EWSR1: variants seen among roughly 807,000 people sequenced by gnomAD.
EWSR1 encodes the protein RNA-binding protein EWS.
In EWSR1, 14 loss-of-function variants were observed where a neutral mutation model predicts 92.1. That is an observed-to-expected ratio of 0.15 (90% CI 0.10 to 0.24). The LOEUF is 0.24. Ranked by LOEUF, EWSR1 falls within the 10% of genes least tolerant of loss-of-function variation. The probability of loss-of-function intolerance (pLI) is 1.00; values close to 1 mark genes in which losing one functional copy is unlikely to be tolerated. For synonymous variants in EWSR1, 303 were observed against 292.9 expected, an observed-to-expected ratio of 1.03 and a Z score of -0.35; for missense variants, 637 against 870.9, an observed-to-expected ratio of 0.73 and a Z score of 3.38.
chr22:29,281,009 A>G (rs1162684073), intron 5 of EWSR1, among the ~76,000 whole-genome samples: 3 of 150,414 alleles, frequency 2.0e-5, no homozygotes, highest in Non-Finnish European at 1.5e-5. Flanking sequence ...CCTCCCAAGT[A>G]GCTGGGACTA....
rs534564043 is a variant in EWSR1 at position 29,271,781 on chromosome 22, T to A, written c.14-435T>A. On this transcript the variant is annotated intron_variant, in intron 1 of 16. Transcript: ENST00000397938. ...GTGAAAACTAATTTTTGAGGAGAGG[T>A]AGGTTCTAACGTAACCAATCTAGTG... 2.6e-5 allele frequency among the ~76,000 whole-genome samples: 4 copies of A among 152,268 alleles called. No homozygotes were observed. The South Asian group carries it at 8.3e-4, about 32-fold the overall frequency.
At chr22:29,299,077 T>C in intron 14 of EWSR1, 157 bp from the exon 15 acceptor site, 15 of 1,449,556 alleles carry the variant, frequency 1.0e-5, no homozygotes, top group Non-Finnish European at 1.4e-5. Flanking sequence ...TGATTTGACC[T>C]GTCCTGTGGG....
rs1327611291 is a variant in EWSR1 at position 29,272,415 on chromosome 22, A to G, written c.86A>G (p.Tyr29Cys). Residue 29 changes from tyrosine (Y) to cysteine (C), a missense_variant, in exon 3 of 17, where the codon TAT becomes TGT. Transcript: ENST00000397938. ...TACACCGCCCAGCCCACTCAAGGAT[A>G]TGCACAGACCACCCAGGTAATCTTT... ...SAYTAQPTQG[Y>C]AQTTQAYGQQ... The G allele has an allele frequency of 1.2e-6, 2 of 1,612,966 alleles. No homozygotes were observed. The highest frequency in any genetic ancestry group is 1.7e-6 in the Non-Finnish European group (2 of 1,180,002).
Position 29,268,287 on chromosome 22 carries a change from G to C in EWSR1, c.-50G>C. ...GCCTGCGCAGTGCGGCGCCTAGAGG[G>C]AAAGCGAGAGGGAGACGGACGTTGA... On this transcript the variant is annotated 5_prime_UTR_variant, in exon 1 of 17. Coordinates refer to ENST00000397938, the MANE Select transcript of EWSR1 (RefSeq NM_005243.4). The C allele has an allele frequency of 6.2e-7, 1 of 1,607,460 alleles. No individual in the cohort carries two copies. Among genetic ancestry groups the C allele is most frequent in the African/African-American group, 1.3e-5 (1 of 74,934 alleles).
chr22:29,276,645 A>G (rs1479130765), intron 4 of EWSR1: 4 of 226,954 alleles, frequency 1.8e-5, no homozygotes, highest in Non-Finnish European at 3.5e-5. Context: ...TTTTTTGGAT[A>G]TAAATGCCAG....
intron 4 of EWSR1, chr22:29,274,331 C>T: frequency 6.3e-7 from 1 of 1,599,830 alleles, no homozygotes; most frequent in Non-Finnish European, 8.6e-7. Flanking sequence ...TCCATCTTGT[C>T]TAACCCTGTA....
At chr22:29,270,478 G>A (rs2058584542) in intron 1 of EWSR1, among the ~76,000 whole-genome samples, 1 of 152,148 alleles carries the variant, frequency 6.6e-6, no homozygotes, top group African/African-American at 2.4e-5. Context: ...GCTTGCTTGA[G>A]GGCCTGTGAT....
At position 29,274,375 on chromosome 22, in the gene EWSR1, C is replaced by G; in HGVS notation, c.226+511C>G. ...CCTTTAGGTGTTTTCATTTGTTGAA[C>G]CCCCAAACTTTCTAACATCACACAC... On this transcript the variant is annotated intron_variant, in intron 4 of 16. Transcript: ENST00000397938. The G allele has an allele frequency of 2.1e-6, 3 of 1,441,648 alleles. No homozygotes were observed. In the African/African-American group the frequency reaches 4.2e-5, roughly 20 times the overall value. The allele number at this position is 1,441,648 out of a possible 1,614,324, so 89.3% of individuals were successfully genotyped here.
chr22:29,277,576 AATT>A (rs2059222001), intron 4 of EWSR1: 1 of 229,476 alleles, frequency 4.4e-6, no homozygotes, highest in South Asian at 1.8e-4. Flanking sequence ...ATCATTTTCT[AATT>A]ATTTTAAAAT....
At chr22:29,278,394 A>G (rs2059285886) in intron 5 of EWSR1, among the ~76,000 whole-genome samples, 178 bp downstream of exon 5, 1 of 152,226 alleles carries the variant, frequency 6.6e-6, no homozygotes, top group Non-Finnish European at 1.5e-5. Context: ...TCTGCATTTA[A>G]CAGTGAAATT....
chr22:29,299,143 T>C, intron 14 of EWSR1, 91 bp from the exon 15 acceptor site: 1 of 1,607,678 alleles, frequency 6.2e-7, no homozygotes, highest in Non-Finnish European at 8.5e-7. Context: ...ATCCTCTTGA[T>C]AGTGAGTGTG....
chr22:29,271,224 G>T (rs2058656267), intron 1 of EWSR1, among the ~76,000 whole-genome samples: 1 of 152,090 alleles, frequency 6.6e-6, no homozygotes, highest in Non-Finnish European at 1.5e-5. Flanking sequence ...GTGTTCTTGT[G>T]GAGAAGAAAG....
At chr22:29,274,391 C>T in intron 4 of EWSR1, 1 of 1,203,426 alleles carries the variant, frequency 8.3e-7, no homozygotes, top group South Asian at 1.2e-5. Context: ...AACTTTCTAA[C>T]ATCACACACA....
intron 6 of EWSR1, among the ~76,000 whole-genome samples, 166 bp from the exon 7 acceptor site, chr22:29,286,757 A>G (rs561971655): frequency 6.6e-5 from 10 of 152,232 alleles, no homozygotes; most frequent in Middle Eastern, 3.4e-3. Flanking sequence ...TCTGAACACA[A>G]AAGTATTTGC....
At chr22:29,278,260 G>A in intron 5 of EWSR1, 44 bp downstream of exon 5, 1 of 1,576,392 alleles carries the variant, frequency 6.3e-7, no homozygotes, top group Non-Finnish European at 8.7e-7. Flanking sequence ...ATGTTGGAGG[G>A]AAAGAAAGCA....
In EWSR1 at chr22:29,268,301, G is replaced by A. The variant is rs2058284874; in HGVS notation, c.-36G>A. 2.5e-6 allele frequency: 4 copies of A among 1,611,324 alleles called. No individual in the cohort carries two copies. In the African/African-American group the frequency reaches 5.3e-5, roughly 22 times the overall value. ...GCGCCTAGAGGGAAAGCGAGAGGGA[G>A]ACGGACGTTGAGAGAACGAGGAGGA... On this transcript the variant is annotated 5_prime_UTR_variant, in exon 1 of 17. Transcript: ENST00000397938.
chr22:29,286,436 C>T (rs980376593), intron 6 of EWSR1, among the ~76,000 whole-genome samples: 2 of 151,966 alleles, frequency 1.3e-5, no homozygotes, highest in African/African-American at 2.4e-5. Context: ...TGCCTGTAAT[C>T]CCAGCACTTT....
At chr22:29,295,958 G>GA in intron 11 of EWSR1, 1 of 373,410 alleles carries the variant, frequency 2.7e-6, no homozygotes, top group Non-Finnish European at 5.0e-6. Context: ...TCTGGGCATA[G>GA]AAAATGCCAG....
chr22:29,286,954 C>G lies in EWSR1; in HGVS notation c.613C>G (p.Gln205Glu). 1 of 1,612,896 alleles carries G rather than the reference C, an allele frequency of 6.2e-7. No individual in the cohort carries two copies. ...YSSTQPTSYD[Q>E]SSYSQQNTYG... ...CTCTACACAGCCGACTAGTTATGATCAGAGCAGTTACTCTCAGCAGAACAC... is the reference window on the plus strand; with the variant it reads ...CTCTACACAGCCGACTAGTTATGATGAGAGCAGTTACTCTCAGCAGAACAC... The change falls in exon 7 of 17, where the codon CAG becomes GAG. Residue 205 changes from glutamine to glutamate, a missense_variant. Coordinates refer to ENST00000397938, the MANE Select transcript of EWSR1 (RefSeq NM_005243.4).
Sources: allele counts gnomAD v4.1 joint callset (sites outside exome capture counted in the v4.1 genomes callset), GRCh38; gene constraint gnomAD v4.1.1; transcripts MANE v1.5; gene names NCBI Gene and HGNC (gene_info 2026-07-23, HGNC 2026-07-21).